ADGRE1: variants seen among roughly 807,000 people sequenced by gnomAD.
The protein encoded by ADGRE1 is adhesion G protein-coupled receptor E1.
A neutral mutation model predicts 102.7 loss-of-function variants in ADGRE1; 82 were observed. The ratio of observed to expected loss-of-function variants is 0.80; its 90% CI spans 0.67 to 0.96. ADGRE1 has a LOEUF of 0.96. Ranked by LOEUF, ADGRE1 falls within the 40% of genes least tolerant of loss-of-function variation. The probability of loss-of-function intolerance (pLI) is 0.00; values close to 1 mark genes in which losing one functional copy is unlikely to be tolerated. For synonymous variants in ADGRE1, 398 were observed against 399.6 expected, an observed-to-expected ratio of 1.00 and a Z score of 0.05; for missense variants, 1,032 against 1,085.3, an observed-to-expected ratio of 0.95 and a Z score of 0.69.
chr19:6,930,734 T>A (rs1396767781), intron 17 of ADGRE1, among the ~76,000 whole-genome samples: 2 of 152,098 alleles, frequency 1.3e-5, no homozygotes, highest in African/African-American at 4.8e-5. Context: ...GCCTCCTGGG[T>A]TCAAGCGATT....
At chr19:6,896,628 ACCC>A in intron 3 of ADGRE1, 87 bp downstream of exon 3, 1 of 1,444,014 alleles carries the variant, frequency 6.9e-7, no homozygotes, top group East Asian at 2.5e-5. Flanking sequence ...GTACTCCCCC[ACCC>A]CCCATTTTTT....
rs572796797 is a variant in ADGRE1 at position 6,909,259 on chromosome 19, T to C, written c.1122+487T>C. Among the ~76,000 whole-genome samples, 12 of 152,364 alleles carry C rather than the reference T, an allele frequency of 7.9e-5. No individual in the cohort carries two copies. In the Middle Eastern group the frequency reaches 0.014, roughly 173 times the overall value. The stretch of plus-strand genomic sequence containing the variant: ...CAGTAAAATTACCTTTTTACTTGTA[T>C]AGTTTGATGAGTTTTCTCACCTGAA... On this transcript the variant is annotated intron_variant, in intron 10 of 20. Coordinates refer to ENST00000312053, the MANE Select transcript of ADGRE1 (RefSeq NM_001974.5).
intron 6 of ADGRE1, 119 bp from the exon 7 acceptor site, chr19:6,903,691 G>A (rs1216024087): frequency 3.0e-6 from 4 of 1,315,610 alleles, no homozygotes; most frequent in Non-Finnish European, 4.2e-6. Context: ...TCTAGGAAAT[G>A]TAGTCCCTGG....
rs1975621741 is a variant in ADGRE1, at chr19:6,940,364, A to G, written c.*335A>G. On this transcript the variant is annotated 3_prime_UTR_variant, in exon 21 of 21. Coordinates refer to ENST00000312053, the MANE Select transcript of ADGRE1 (RefSeq NM_001974.5). ...CCTGCCCTTGTTGGTGCATGGTTCT[A>G]AGCATGCCCCTCCAGAGCCTATCAT... is the stretch of plus-strand genomic sequence containing the variant. The G allele has an allele frequency of 4.7e-6, 2 of 429,708 alleles. No individual in the cohort carries two copies. The highest frequency in any genetic ancestry group is 8.5e-6 in the Non-Finnish European group (2 of 236,242). 26.6% of individuals were successfully genotyped at this position (429,708 alleles called of 1,614,324 possible).
intron 16 of ADGRE1, among the ~76,000 whole-genome samples, chr19:6,927,509 T>G (rs990943937): frequency 2.0e-5 from 3 of 152,072 alleles, no homozygotes; most frequent in Admixed American, 2.0e-4. Flanking sequence ...CAAGGTAACT[T>G]ACGATAGTGA....
chr19:6,890,559 A>G lies in ADGRE1; in HGVS notation c.94+16A>G. The G allele has an allele frequency of 6.2e-7, 1 of 1,612,006 alleles. No individual in the cohort carries two copies. The highest frequency in any genetic ancestry group is 8.5e-7 in the Non-Finnish European group (1 of 1,179,312). ...AACACAAAGGGTAAGTTGGCCAGAG[A>G]GAATGCAGATGCCTGAAGGGGTAGA... On this transcript the variant is annotated intron_variant, in intron 2 of 20. Transcript: ENST00000312053.
chr19:6,922,134 A>T (rs545610214), intron 14 of ADGRE1, among the ~76,000 whole-genome samples: 3 of 152,318 alleles, frequency 2.0e-5, no homozygotes, highest in South Asian at 4.1e-4. Flanking sequence ...GCAATCACAG[A>T]TCTTACTTAA....
intron 11 of ADGRE1, among the ~76,000 whole-genome samples, chr19:6,916,016 C>CTTT (rs1974365017): frequency 6.6e-6 from 1 of 151,930 alleles, no homozygotes; most frequent in Non-Finnish European, 1.5e-5. Context: ...CCTGATGCAC[C>CTTT]CCCTAGGAGA....
At chr19:6,889,722 C>T (rs1422118619) in intron 1 of ADGRE1, among the ~76,000 whole-genome samples, 3 of 129,250 alleles carry the variant, frequency 2.3e-5, no homozygotes, top group Admixed American at 1.6e-4. Context: ...GAAAGAAAAA[C>T]GAATTGCCCT....
At chr19:6,931,915 G>C (rs751019031) in intron 17 of ADGRE1, among the ~76,000 whole-genome samples, 1 of 151,732 alleles carries the variant, frequency 6.6e-6, no homozygotes, top group Non-Finnish European at 1.5e-5. Context: ...TAAGGTCTTG[G>C]GGCGCCTGGC....
intron 17 of ADGRE1, among the ~76,000 whole-genome samples, chr19:6,932,432 C>T (rs1214104493): frequency 2.0e-5 from 3 of 152,036 alleles, no homozygotes; most frequent in Non-Finnish European, 4.4e-5. Context: ...GGCGCCACTG[C>T]CCTCCAGCCT....
intron 10 of ADGRE1, among the ~76,000 whole-genome samples, chr19:6,912,471 AT>A (rs1374582067): frequency 6.6e-6 from 1 of 152,238 alleles, no homozygotes; most frequent in Non-Finnish European, 1.5e-5. Context: ...TATAAAAGAC[AT>A]TTAGAGCAAT....
chr19:6,936,886 G>A (rs1975432778), intron 18 of ADGRE1, among the ~76,000 whole-genome samples: 1 of 152,018 alleles, frequency 6.6e-6, no homozygotes, highest in Non-Finnish European at 1.5e-5. Flanking sequence ...GCCTCCCAAA[G>A]TGCTGGGATT....
chr19:6,894,761 G>A (rs1973490606), intron 2 of ADGRE1, among the ~76,000 whole-genome samples: 2 of 152,218 alleles, frequency 1.3e-5, no homozygotes. Flanking sequence ...GGACAATGGG[G>A]TATATAGAAA....
intron 17 of ADGRE1, among the ~76,000 whole-genome samples, chr19:6,934,496 C>T (rs1975305991): frequency 1.3e-5 from 2 of 149,488 alleles, no homozygotes; most frequent in African/African-American, 2.5e-5. Flanking sequence ...TCTCAGCTCA[C>T]TGCAACCTCT....
chr19:6,934,411 TTCTTCTTC>T (rs1352995608), intron 17 of ADGRE1, among the ~76,000 whole-genome samples: 1 of 138,088 alleles, frequency 7.2e-6, no homozygotes, highest in East Asian at 2.0e-4. Flanking sequence ...AGAATTCTTC[TTCTTCTTC>T]TTTTTTTTTT....
intron 2 of ADGRE1, among the ~76,000 whole-genome samples, chr19:6,892,043 TG>T (rs1422424934): frequency 1.3e-5 from 2 of 152,000 alleles, no homozygotes; most frequent in African/African-American, 4.8e-5. Context: ...CTGACCTTGG[TG>T]GGTTTCAGTT....
intron 15 of ADGRE1, 152 bp from the exon 16 acceptor site, chr19:6,926,214 C>T: frequency 1.2e-6 from 1 of 823,584 alleles, no homozygotes; most frequent in Non-Finnish European, 1.9e-6. Context: ...TCCCTGTGGT[C>T]AAGAACCACT....
At chr19:6,920,403 T>G (rs1192420120) in intron 13 of ADGRE1, among the ~76,000 whole-genome samples, 1 of 151,474 alleles carries the variant, frequency 6.6e-6, no homozygotes, top group African/African-American at 2.4e-5. Flanking sequence ...GTATTTTTAG[T>G]GCAGACGGGG....
Sources: gnomAD v4.1 joint callset for allele counts (sites outside exome capture counted in the v4.1 genomes callset) on GRCh38, gnomAD v4.1.1 for gene constraint, MANE v1.5 for transcripts, NCBI Gene and HGNC (gene_info 2026-07-23, HGNC 2026-07-21) for gene names.